ACAT2: variants seen among roughly 807,000 people sequenced by gnomAD.
ACAT2 encodes acetyl-CoA acetyltransferase 2, also known as acetyl-CoA acetyltransferase, cytosolic.
A neutral mutation model predicts 37.1 loss-of-function variants in ACAT2; 26 were observed. The observed-to-expected ratio is 0.70, with a 90% CI of 0.51 to 0.97. The LOEUF is 0.97. Among genes scored for constraint, ACAT2 ranks in the 50% least tolerant of loss-of-function variants. The pLI, the probability that ACAT2 is intolerant of heterozygous loss-of-function variation, is 0.00. For synonymous variants in ACAT2, 156 were observed against 163.6 expected, an observed-to-expected ratio of 0.95 and a Z score of 0.35; for missense variants, 468 against 489.0, an observed-to-expected ratio of 0.96 and a Z score of 0.40.
intron 7 of ACAT2, 84 bp from the exon 8 acceptor site, chr6:159,778,086 C>T: frequency 1.2e-6 from 1 of 858,096 alleles, no homozygotes; most frequent in Admixed American, 2.3e-5. Flanking sequence ...TATCATGCAG[C>T]ATATATTTAT....
chr6:159,776,000 C>A, intron 5 of ACAT2, 150 bp from the exon 6 acceptor site: 1 of 784,622 alleles, frequency 1.3e-6, no homozygotes, highest in Non-Finnish European at 2.0e-6. Context: ...CTTGTGTGTA[C>A]TTTCCTCCTG....
chr6:159,775,055 C>T, intron 4 of ACAT2, 115 bp from the exon 5 acceptor site: 4 of 1,231,216 alleles, frequency 3.2e-6, no homozygotes, highest in Non-Finnish European at 4.5e-6. Context: ...CACAGGCCAC[C>T]ATGAGCCTGC....
At position 159,777,382 on chromosome 6, in the gene ACAT2, A is replaced by G. The variant is rs748574249; in HGVS notation, c.838A>G (p.Ile280Val). Residue 280 changes from isoleucine (I) to valine (V), a missense_variant, in exon 7 of 9, where the codon ATA (isoleucine) becomes GTA (valine). By Grantham distance (29) the Ile-to-Val change is conservative (BLOSUM62 3). Transcript: ENST00000367048. ...DKRGLTPLAR[I>V]VSWSQVGVEP... Reference sequence around the variant, plus strand: ...ACGTGGGCTTACACCTTTAGCACGGATAGTTTCCTGGTCCCAAGTGGGTGT... The same window carrying G: ...ACGTGGGCTTACACCTTTAGCACGGGTAGTTTCCTGGTCCCAAGTGGGTGT... The G allele has an allele frequency of 1.2e-6, 2 of 1,614,210 alleles. No homozygotes were observed. The highest frequency in any genetic ancestry group is 3.3e-5 in the Admixed American group (2 of 60,026).
chr6:159,765,274 C>G (rs1487844723), intron 2 of ACAT2, among the ~76,000 whole-genome samples: 2 of 151,912 alleles, frequency 1.3e-5, no homozygotes, highest in African/African-American at 4.8e-5. Context: ...TGCCACTGTG[C>G]CCAGCTAATT....
chr6:159,778,889 A>G lies in ACAT2; in HGVS notation c.*60A>G, dbSNP rs1780501188. The G allele has an allele frequency of 1.1e-5, 17 of 1,605,330 alleles. No homozygotes were observed. Among genetic ancestry groups the G allele is most frequent in the South Asian group, 3.3e-5 (3 of 90,194 alleles). ...TAAACTAATAAAGTACTAGGTTGCAATATGTGAAATCAGAGGACCAAAGTA... is the reference window on the plus strand; with the variant it reads ...TAAACTAATAAAGTACTAGGTTGCAGTATGTGAAATCAGAGGACCAAAGTA... On this transcript the variant is annotated 3_prime_UTR_variant, in exon 9 of 9. Coordinates refer to ENST00000367048, the MANE Select transcript of ACAT2 (RefSeq NM_005891.3).
At chr6:159,765,838 G>A (rs1300200198) in intron 2 of ACAT2, among the ~76,000 whole-genome samples, 1 of 152,186 alleles carries the variant, frequency 6.6e-6, no homozygotes, top group Non-Finnish European at 1.5e-5. Context: ...CCTAATCCCA[G>A]ATTGATAACA....
intron 3 of ACAT2, among the ~76,000 whole-genome samples, chr6:159,767,687 A>C (rs561993150): frequency 1.3e-5 from 2 of 152,318 alleles, no homozygotes; most frequent in African/African-American, 4.8e-5. Flanking sequence ...CATACCTCAA[A>C]CTGGCATAGT....
At chr6:159,767,995 T>C (rs1403331317) in intron 3 of ACAT2, among the ~76,000 whole-genome samples, 3 of 152,160 alleles carry the variant, frequency 2.0e-5, no homozygotes, top group African/African-American at 7.2e-5. Flanking sequence ...ATACAACTCT[T>C]CCGACTCTAA....
chr6:159,767,244 A>C (rs759740848), intron 3 of ACAT2, 58 bp downstream of exon 3: 91 of 1,566,910 alleles, frequency 5.8e-5, no homozygotes, highest in Non-Finnish European at 8.0e-5. Flanking sequence ...ACTCATGTCT[A>C]TGCCAGAACA....
intron 5 of ACAT2, chr6:159,775,868 T>C (rs1780404689): frequency 2.9e-6 from 1 of 346,592 alleles, no homozygotes; most frequent in African/African-American, 2.1e-5. Flanking sequence ...TGACCCAAAC[T>C]ATAGCAGAAT....
rs1780185553 is a variant in ACAT2 at position 159,763,166 on chromosome 6, G to C, written c.190+113G>C. On this transcript the variant is annotated intron_variant, in intron 2 of 8. Coordinates refer to ENST00000367048, the MANE Select transcript of ACAT2 (RefSeq NM_005891.3). Reference sequence around the variant, plus strand: ...CACTCTCTCACTCACTCAAGTTCTTGCCTCCTTGCTTTTGCTCAGAGTTCC... The same window carrying C: ...CACTCTCTCACTCACTCAAGTTCTTCCCTCCTTGCTTTTGCTCAGAGTTCC... 2.1e-6 allele frequency: 3 copies of C among 1,427,490 alleles called. No homozygotes were observed. The Admixed American group carries it at 7.2e-5, about 34-fold the overall frequency. The allele number at this position is 1,427,490 out of a possible 1,614,324, so 88.4% of individuals were successfully genotyped here. A position where few individuals can be genotyped will look rare whatever the true frequency, so the allele number is the denominator to read the frequency against.
intron 4 of ACAT2, among the ~76,000 whole-genome samples, chr6:159,771,261 TC>T (rs1378557850): frequency 2.6e-5 from 4 of 151,950 alleles, no homozygotes; most frequent in Non-Finnish European, 5.9e-5. Context: ...ATGCCTGTAA[TC>T]CCAGCTACTC....
At chr6:159,765,622 G>A (rs1365085947) in intron 2 of ACAT2, among the ~76,000 whole-genome samples, 1 of 150,986 alleles carries the variant, frequency 6.6e-6, no homozygotes, top group African/African-American at 2.4e-5. Context: ...TAGAGAGGGG[G>A]GGTTTCACCA....
intron 4 of ACAT2, among the ~76,000 whole-genome samples, chr6:159,770,621 G>A (rs963792172): frequency 6.6e-6 from 1 of 151,704 alleles, no homozygotes; most frequent in South Asian, 2.1e-4. Flanking sequence ...AGACTAGGCT[G>A]AGCAACATAG....
rs199953042 is a variant in ACAT2, at chr6:159,762,928, A to G, written c.65A>G (p.Asn22Ser). 162 of 1,612,304 alleles carry G rather than the reference A, an allele frequency of 1.0e-4. 1 individual carries two copies. Among genetic ancestry groups the G allele is most frequent in the Admixed American group, 9.2e-4 (55 of 59,620 alleles). Residue 22 changes from asparagine (N) to serine (S), a missense_variant, in exon 2 of 9, where the codon AAT (asparagine) becomes AGT (serine). Transcript: ENST00000367048. ...SAARTIIGSFNGALAAVPVQD... is the reference protein window; with the variant it reads ...SAARTIIGSFSGALAAVPVQD... ...CGCCTTTCTATTGTAGGTTCCTTCA[A>G]TGGTGCCTTAGCTGCTGTTCCTGTC...
In ACAT2 at chr6:159,778,291, ACAAGTAACCCTGAGAGCTTAC is replaced by A. The variant is rs749286473; in HGVS notation, c.1023+14_1023+34del. On this transcript the variant is annotated intron_variant, in intron 8 of 8. Transcript: ENST00000367048. The stretch of plus-strand genomic sequence containing the variant: ...TTAAACCCAGAGAAGGTAAAGATGC[ACAAGTAACCCTGAGAGCTTAC>A]CAGTGAATTTCACAATCCAATTTTA... 6.4e-7 allele frequency: 1 copy of A among 1,563,240 alleles called. No individual in the cohort carries two copies. The highest frequency in any genetic ancestry group is 8.8e-7 in the Non-Finnish European group (1 of 1,142,428).
Position 159,767,135 on chromosome 6 carries a change from G to C in ACAT2, c.321G>C (p.Gly107=). 2 of 1,614,228 alleles carry C rather than the reference G, an allele frequency of 1.2e-6. No individual in the cohort carries two copies. Among genetic ancestry groups the C allele is most frequent in the South Asian group, 2.2e-5 (2 of 91,090 alleles). ...KAVCLAVQSI[G]IGDSSIVVAG... Reference sequence around the variant, plus strand: ...TGTGCCTTGCAGTCCAGTCAATAGGGATAGGAGACTCCAGCATTGTGGTTG... The same window carrying C: ...TGTGCCTTGCAGTCCAGTCAATAGGCATAGGAGACTCCAGCATTGTGGTTG... The change falls in exon 3 of 9, where the codon GGG becomes GGC. Residue 107 remains glycine (G), a synonymous_variant. Coordinates refer to ENST00000367048, the MANE Select transcript of ACAT2 (RefSeq NM_005891.3).
chr6:159,775,754 G>A lies in ACAT2; in HGVS notation c.635-396G>A, dbSNP rs190588429. ...CTATTTTCTAATACAGAATGCTCCC[G>A]TCAAGCTCCCTTATTGATAACTGAT... On this transcript the variant is annotated intron_variant, in intron 5 of 8. Coordinates refer to ENST00000367048, the MANE Select transcript of ACAT2 (RefSeq NM_005891.3). 107 of 198,244 alleles carry A rather than the reference G, an allele frequency of 5.4e-4. No individual in the cohort carries two copies. The East Asian group carries it at 0.012, about 22-fold the overall frequency. 12.3% of individuals were successfully genotyped at this position (198,244 alleles called of 1,614,324 possible).
At chr6:159,768,064 G>C (rs1780282038) in intron 3 of ACAT2, among the ~76,000 whole-genome samples, 1 of 152,310 alleles carries the variant, frequency 6.6e-6, no homozygotes, top group East Asian at 1.9e-4. Context: ...TGAGAGTTAA[G>C]ACTGGCCGCT....
Sources: allele counts gnomAD v4.1 joint callset (sites outside exome capture counted in the v4.1 genomes callset), GRCh38; gene constraint gnomAD v4.1.1; transcripts MANE v1.5; gene names NCBI Gene and HGNC (gene_info 2026-07-23, HGNC 2026-07-21).